Variants in HMGN3 observed in about 807,000 individuals in gnomAD.
The protein encoded by HMGN3 is high mobility group nucleosomal binding domain 3, also known as high mobility group nucleosome-binding domain-containing protein 3.
Under a neutral mutation model 18.8 loss-of-function variants are expected in HMGN3, and 6 were observed. The ratio of observed to expected loss-of-function variants is 0.32; its 90% confidence interval spans 0.18 to 0.63. The LOEUF (loss-of-function observed/expected upper bound fraction) is 0.63. Ranked by LOEUF, HMGN3 falls within the 30% of genes least tolerant of loss-of-function variation. The pLI is 0.79. For missense variants in HMGN3, 107 were observed against 114.2 expected (o/e 0.94, Z 0.29); for synonymous variants, 40 against 36.5 (o/e 1.10, Z -0.35).
chr6:79,234,237 T>A, intron 1 of HMGN3: 1 of 308,606 alleles, frequency 3.2e-6, no homozygotes. Context: ...AAACTCCCTT[T>A]CGGAATGGAA....
chr6:79,232,644 G>A (rs13220697), intron 1 of HMGN3, among the ~76,000 whole-genome samples: 9,419 of 151,844 alleles, frequency 0.062, 314 homozygotes, highest in South Asian at 0.1. Flanking sequence ...GAGGCAGACA[G>A]GGGAAGTAAG....
chr6:79,212,852 T>A (rs1177318660), intron 2 of HMGN3, among the ~76,000 whole-genome samples: 1 of 152,132 alleles, frequency 6.6e-6, no homozygotes, highest in Non-Finnish European at 1.5e-5. Flanking sequence ...AATCAATCAA[T>A]ACACTGACAG....
intron 1 of HMGN3, 89 bp downstream of exon 1, chr6:79,234,457 G>T: frequency 1.5e-6 from 2 of 1,291,322 alleles, no homozygotes; most frequent in South Asian, 1.2e-5. Context: ...GGTTACTACC[G>T]CGCGCGTTCT....
At chr6:79,232,554 G>A (rs554676023) in intron 1 of HMGN3, among the ~76,000 whole-genome samples, 2 of 151,958 alleles carry the variant, frequency 1.3e-5, no homozygotes, top group African/African-American at 4.8e-5. Context: ...GGGGTTCCCT[G>A]CCTTCCAGGG....
intron 3 of HMGN3, among the ~76,000 whole-genome samples, chr6:79,205,017 T>C (rs1776346327): frequency 6.6e-6 from 1 of 152,208 alleles, no homozygotes. Context: ...AGCATTCAAG[T>C]GTTTTGATAG....
At chr6:79,214,233 G>A (rs1161508710) in intron 2 of HMGN3, among the ~76,000 whole-genome samples, 2 of 138,478 alleles carry the variant, frequency 1.4e-5, no homozygotes, top group African/African-American at 2.7e-5. Context: ...AGTCTCTCTC[G>A]CTCTGTCACC....
exon 1 of HMGN3, chr6:79,234,675 G>T (rs561801592): frequency 4.9e-6 from 5 of 1,025,202 alleles, no homozygotes; most frequent in Admixed American, 1.9e-5. Flanking sequence ...ACGTAGCCCG[G>T]CCTCTTCGAC....
intron 1 of HMGN3, among the ~76,000 whole-genome samples, chr6:79,226,439 G>T (rs1349945335): frequency 6.6e-6 from 1 of 152,148 alleles, no homozygotes; most frequent in Non-Finnish European, 1.5e-5. Context: ...AAAACAGTCT[G>T]ACTCATAGAA....
intron 2 of HMGN3, among the ~76,000 whole-genome samples, chr6:79,214,348 C>CCCT (rs1331484904): frequency 6.6e-6 from 1 of 151,826 alleles, no homozygotes; most frequent in African/African-American, 2.4e-5. Context: ...ACTACAGGCG[C>CCCT]CCACCACCAC....
At chr6:79,205,690 G>A (rs1220240165) in intron 3 of HMGN3, among the ~76,000 whole-genome samples, 1 of 152,228 alleles carries the variant, frequency 6.6e-6, no homozygotes, top group Non-Finnish European at 1.5e-5. Context: ...TAATGAAAAT[G>A]TGGAAGTGAC....
intron 1 of HMGN3, among the ~76,000 whole-genome samples, chr6:79,228,669 C>A (rs906453162): frequency 2.6e-5 from 4 of 152,150 alleles, no homozygotes; most frequent in African/African-American, 9.7e-5. Context: ...AAGTGAAGGA[C>A]TGACATTACC....
intron 2 of HMGN3, among the ~76,000 whole-genome samples, chr6:79,211,933 G>A (rs1382544744): frequency 6.6e-6 from 1 of 151,920 alleles, no homozygotes; most frequent in Non-Finnish European, 1.5e-5. Context: ...GAAACACATG[G>A]ACTATTCCTC....
At chr6:79,221,777 C>T (rs1465902013) in intron 1 of HMGN3, among the ~76,000 whole-genome samples, 1 of 152,004 alleles carries the variant, frequency 6.6e-6, no homozygotes, top group Non-Finnish European at 1.5e-5. Context: ...AACGCTACTG[C>T]ACTAGGAGTG....
At chr6:79,204,174 A>G (rs1284761603) in intron 3 of HMGN3, among the ~76,000 whole-genome samples, 2 of 152,154 alleles carry the variant, frequency 1.3e-5, no homozygotes, top group African/African-American at 2.4e-5. Flanking sequence ...ATTCTCCCCA[A>G]TGCCAGCTCA....
At chr6:79,213,840 A>G (rs893579055) in intron 2 of HMGN3, among the ~76,000 whole-genome samples, 2 of 152,234 alleles carry the variant, frequency 1.3e-5, no homozygotes, top group Non-Finnish European at 2.9e-5. Flanking sequence ...ACCCAATCAA[A>G]GAACCTGTAA....
intron 1 of HMGN3, among the ~76,000 whole-genome samples, chr6:79,221,199 G>A (rs750540719): frequency 5.3e-5 from 8 of 152,002 alleles, no homozygotes; most frequent in Non-Finnish European, 1.0e-4. Flanking sequence ...CTTCAATATC[G>A]TATCAATCTG....
At chr6:79,207,789 AAT>A (rs2127816455) in intron 3 of HMGN3, among the ~76,000 whole-genome samples, 1 of 152,290 alleles carries the variant, frequency 6.6e-6, no homozygotes, top group East Asian at 1.9e-4. Flanking sequence ...AAGCTTCTGT[AAT>A]AGCTAGTATG....
intron 1 of HMGN3, among the ~76,000 whole-genome samples, chr6:79,232,958 T>C (rs1777926121): frequency 1.3e-5 from 2 of 152,206 alleles, no homozygotes. Flanking sequence ...CTTCATAAAA[T>C]TAAGTTTAAA....
intron 2 of HMGN3, among the ~76,000 whole-genome samples, chr6:79,211,465 G>GTTTT (rs58861121): frequency 7.4e-6 from 1 of 135,366 alleles, no homozygotes. Context: ...AATTTCTCTT[G>GTTTT]TTTTTTTTTT....
Sources: allele counts gnomAD v4.1 joint callset (sites outside exome capture counted in the v4.1 genomes callset), GRCh38; gene constraint gnomAD v4.1.1; transcripts MANE v1.5; gene names NCBI Gene and HGNC (gene_info 2026-07-23, HGNC 2026-07-21).